The following UVRAG variants were observed in gnomAD, a reference collection of about 807,000 sequenced individuals.
UVRAG encodes UV radiation resistance associated, also known as UV radiation resistance-associated gene protein.
UVRAG carries 19 observed loss-of-function variants against 78.0 expected under a neutral mutation model. The ratio of observed to expected loss-of-function variants is 0.24; its 90% CI spans 0.17 to 0.36. The LOEUF is 0.36. UVRAG is among the 10% of genes least tolerant of loss of function. The pLI is 1.00. For missense variants in UVRAG, 740 were observed against 853.8 expected, an observed-to-expected ratio of 0.87 and a Z score of 1.66; for synonymous variants, 323 against 324.6, an observed-to-expected ratio of 1.00 and a Z score of 0.05.
intron 8 of UVRAG, among the ~76,000 whole-genome samples, chr11:75,992,436 C>T (rs770402331): frequency 8.5e-5 from 13 of 152,080 alleles, no homozygotes; most frequent in Non-Finnish European, 8.8e-5. Flanking sequence ...ACTTTGTATT[C>T]CCCTGGACTA....
chr11:76,036,811 C>T (rs1367991338), intron 12 of UVRAG, among the ~76,000 whole-genome samples: 1 of 149,562 alleles, frequency 6.7e-6, no homozygotes, highest in African/African-American at 2.4e-5. Flanking sequence ...CTCATAAGAA[C>T]ATACTGTGAA....
chr11:76,092,522 T>A (rs1031546017), intron 13 of UVRAG, among the ~76,000 whole-genome samples: 6 of 152,238 alleles, frequency 3.9e-5, no homozygotes, highest in African/African-American at 1.4e-4. Context: ...TTTTTAATGA[T>A]CGCCATTCTA....
chr11:76,060,659 T>TGGCC (rs1951068598), intron 12 of UVRAG, among the ~76,000 whole-genome samples: 2 of 152,028 alleles, frequency 1.3e-5, no homozygotes, highest in South Asian at 4.1e-4. Flanking sequence ...GCACTCGGAG[T>TGGCC]GGCCGGCCGG....
Position 76,061,977 on chromosome 11 carries a change from A to G in UVRAG, c.1227-3733A>G, listed in dbSNP as rs139773339. On this transcript the variant is annotated intron_variant, in intron 12 of 14. Coordinates refer to ENST00000356136, the MANE Select transcript of UVRAG (RefSeq NM_003369.4). The stretch of plus-strand genomic sequence containing the variant: ...GCTACTGTAAATTACCAGAAACTTG[A>G]TGAGATAAACAGCAGAAATTTGCCT... Among the ~76,000 whole-genome samples, 670 of 152,292 alleles carry G rather than the reference A, an allele frequency of 4.4e-3. 5 individuals are homozygous for G. Among genetic ancestry groups the G allele is most frequent in the African/African-American group, 0.016 (646 of 41,556 alleles).
chr11:76,101,977 T>C (rs1378381941), intron 13 of UVRAG, among the ~76,000 whole-genome samples: 1 of 152,212 alleles, frequency 6.6e-6, no homozygotes, highest in Non-Finnish European at 1.5e-5. Flanking sequence ...TTTGGGTTAT[T>C]GTAGCCCTGT....
intron 1 of UVRAG, among the ~76,000 whole-genome samples, chr11:75,821,241 G>C (rs944310536): frequency 6.6e-6 from 1 of 152,036 alleles, no homozygotes; most frequent in Admixed American, 6.6e-5. Flanking sequence ...CATGTTGCAG[G>C]GTATGTTAGA....
intron 7 of UVRAG, among the ~76,000 whole-genome samples, chr11:75,980,777 G>T (rs912024157): frequency 2.0e-5 from 3 of 151,440 alleles, no homozygotes; most frequent in African/African-American, 7.3e-5. Flanking sequence ...CACCTCCCAG[G>T]TTCAAGCAAT....
chr11:75,947,023 G>T (rs774974100), intron 6 of UVRAG, among the ~76,000 whole-genome samples: 8 of 152,120 alleles, frequency 5.3e-5, no homozygotes, highest in Non-Finnish European at 1.2e-4. Context: ...ACTTCACATA[G>T]CCTTTCCTTC....
intron 13 of UVRAG, among the ~76,000 whole-genome samples, chr11:76,106,571 T>C (rs1241744625): frequency 1.3e-5 from 2 of 152,140 alleles, no homozygotes; most frequent in Non-Finnish European, 2.9e-5. Context: ...TTTTACCATG[T>C]TGGCCAGGCT....
chr11:75,897,206 T>G (rs908245803), intron 5 of UVRAG, among the ~76,000 whole-genome samples: 8 of 152,198 alleles, frequency 5.3e-5, no homozygotes, highest in African/African-American at 1.7e-4. Flanking sequence ...ATTGAAGATT[T>G]AGGTATAAAA....
chr11:76,008,709 G>A, intron 10 of UVRAG, 98 bp from the exon 11 acceptor site: 1 of 601,188 alleles, frequency 1.7e-6, no homozygotes, highest in Non-Finnish European at 2.9e-6. Flanking sequence ...TTGGAGTTTA[G>A]AACAGTGTTT....
chr11:75,892,946 G>A (rs1197210551), intron 5 of UVRAG, among the ~76,000 whole-genome samples: 1 of 152,086 alleles, frequency 6.6e-6, no homozygotes, highest in South Asian at 2.1e-4. Context: ...TTGGGAGGCC[G>A]AGGCAGGTGG....
At chr11:75,851,443 T>C (rs1001185934) in intron 1 of UVRAG, among the ~76,000 whole-genome samples, 3 of 152,218 alleles carry the variant, frequency 2.0e-5, no homozygotes, top group Non-Finnish European at 4.4e-5. Flanking sequence ...GTATAGATAA[T>C]CTGGCATCTA....
chr11:75,982,697 T>C (rs1949417481), intron 7 of UVRAG, among the ~76,000 whole-genome samples: 1 of 152,192 alleles, frequency 6.6e-6, no homozygotes, highest in Non-Finnish European at 1.5e-5. Context: ...AACGTGGAAA[T>C]CTACTTTTTG....
At chr11:76,056,805 T>A (rs1950992707) in intron 12 of UVRAG, among the ~76,000 whole-genome samples, 2 of 152,214 alleles carry the variant, frequency 1.3e-5, no homozygotes, top group Admixed American at 1.3e-4. Context: ...ATGTTAAAAT[T>A]GATTAGTACC....
chr11:76,013,646 A>C (rs2135360949), intron 11 of UVRAG, among the ~76,000 whole-genome samples: 1 of 152,300 alleles, frequency 6.6e-6, no homozygotes, highest in Non-Finnish European at 1.5e-5. Context: ...TTTTTAGCTA[A>C]AGTGATTGGC....
intron 14 of UVRAG, among the ~76,000 whole-genome samples, chr11:76,126,222 T>C (rs1343069401): frequency 1.3e-5 from 2 of 152,074 alleles, no homozygotes; most frequent in Non-Finnish European, 2.9e-5. Context: ...ATTACAGGCG[T>C]GAGCCACCAT....
At chr11:76,134,035 C>T (rs1952559629) in intron 14 of UVRAG, among the ~76,000 whole-genome samples, 1 of 151,488 alleles carries the variant, frequency 6.6e-6, no homozygotes, top group East Asian at 1.9e-4. Flanking sequence ...TTCACGCAAC[C>T]TCCACCTCCT....
At chr11:76,095,459 A>G (rs887608696) in intron 13 of UVRAG, among the ~76,000 whole-genome samples, 2 of 151,908 alleles carry the variant, frequency 1.3e-5, no homozygotes, top group Admixed American at 1.3e-4. Flanking sequence ...AAAGCATGTT[A>G]TTAAATTTAC....
Sources: allele counts gnomAD v4.1 joint callset (sites outside exome capture counted in the v4.1 genomes callset), GRCh38; gene constraint gnomAD v4.1.1; transcripts MANE v1.5; gene names NCBI Gene and HGNC (gene_info 2026-07-23, HGNC 2026-07-21).